Variants in DNAJC1 observed in about 807,000 individuals in gnomAD.
DNAJC1 encodes DnaJ heat shock protein family (Hsp40) member C1.
In DNAJC1, 58 loss-of-function variants were observed where a neutral mutation model predicts 76.6. That is an observed-to-expected ratio of 0.76 (90% CI 0.61 to 0.94). The LOEUF (loss-of-function observed/expected upper bound fraction) is 0.94. DNAJC1 is among the 40% of genes least tolerant of loss of function. The pLI is 0.00. For missense variants in DNAJC1, 689 were observed against 677.3 expected, an observed-to-expected ratio of 1.02 and a Z score of -0.19; for synonymous variants, 258 against 267.9, an observed-to-expected ratio of 0.96 and a Z score of 0.36.
At chr10:21,965,228 ACT>A (rs373805750) in intron 1 of DNAJC1, among the ~76,000 whole-genome samples, 52 of 152,108 alleles carry the variant, frequency 3.4e-4, no homozygotes, top group African/African-American at 1.2e-3. Flanking sequence ...CAGTTCACTA[ACT>A]CTCTTTTCAG....
intron 6 of DNAJC1, among the ~76,000 whole-genome samples, chr10:21,910,999 GAGAA>G (rs1381855384): frequency 2.7e-5 from 4 of 149,138 alleles, no homozygotes; most frequent in Admixed American, 2.0e-4. Context: ...GGGAGAGAGG[GAGAA>G]AGAAAGAGAA....
At chr10:21,790,175 A>C (rs1158349856) in intron 9 of DNAJC1, among the ~76,000 whole-genome samples, 1 of 151,704 alleles carries the variant, frequency 6.6e-6, no homozygotes, top group East Asian at 1.9e-4. Context: ...AAAAAAGCTT[A>C]CAAGACTTAT....
intron 9 of DNAJC1, among the ~76,000 whole-genome samples, chr10:21,775,869 G>T (rs1400284498): frequency 6.6e-6 from 1 of 152,058 alleles, no homozygotes; most frequent in Non-Finnish European, 1.5e-5. Flanking sequence ...GTGGGCTACT[G>T]GCTTGGGTGG....
intron 8 of DNAJC1, among the ~76,000 whole-genome samples, chr10:21,813,208 CTCTCTCTCTCTCTATATATATA>C (rs1835010199): frequency 1.5e-5 from 1 of 68,696 alleles, no homozygotes; most frequent in East Asian, 3.5e-4. Context: ...CTCTCTCTCT[CTCTCTCTCTCTCTATATATATA>C]TATATATATA....
chr10:21,800,161 C>A (rs1834797986), intron 9 of DNAJC1, among the ~76,000 whole-genome samples: 1 of 152,146 alleles, frequency 6.6e-6, no homozygotes, highest in Admixed American at 6.6e-5. Context: ...CACACTAGAA[C>A]CCCTCATCAG....
At chr10:21,796,663 CTTA>C (rs1353953526) in intron 9 of DNAJC1, among the ~76,000 whole-genome samples, 1 of 152,034 alleles carries the variant, frequency 6.6e-6, no homozygotes, top group Non-Finnish European at 1.5e-5. Flanking sequence ...TGTGAAGTAT[CTTA>C]TTGTCATTTT....
intron 1 of DNAJC1, among the ~76,000 whole-genome samples, chr10:21,962,458 GCTTTT>G (rs1223418639): frequency 1.5e-5 from 1 of 68,698 alleles, no homozygotes; most frequent in African/African-American, 6.2e-5. Context: ...CTATTTTATT[GCTTTT>G]TTTTTTTTTT....
intron 8 of DNAJC1, among the ~76,000 whole-genome samples, chr10:21,862,336 T>C (rs540357881): frequency 6.3e-4 from 96 of 152,176 alleles, no homozygotes; most frequent in African/African-American, 2.3e-3. Flanking sequence ...TTTCCTGTGA[T>C]AGTAACACCT....
chr10:21,793,023 A>G (rs1249860440), intron 9 of DNAJC1, among the ~76,000 whole-genome samples: 3 of 152,000 alleles, frequency 2.0e-5, no homozygotes, highest in Admixed American at 6.5e-5. Context: ...AGCTTCTATG[A>G]GCCTGGGCAC....
At chr10:21,883,533 T>A (rs914204413) in intron 7 of DNAJC1, among the ~76,000 whole-genome samples, 1 of 152,202 alleles carries the variant, frequency 6.6e-6, no homozygotes, top group African/African-American at 2.4e-5. Flanking sequence ...TGGGATTACA[T>A]CCTGATAAAC....
chr10:21,849,738 G>A (rs566657635), intron 8 of DNAJC1, among the ~76,000 whole-genome samples: 18 of 151,990 alleles, frequency 1.2e-4, no homozygotes, highest in Non-Finnish European at 1.6e-4. Flanking sequence ...AACCCAAATC[G>A]AAAAGTGTAT....
At chr10:21,888,127 T>C (rs933030408) in intron 7 of DNAJC1, among the ~76,000 whole-genome samples, 2 of 151,884 alleles carry the variant, frequency 1.3e-5, no homozygotes, top group Non-Finnish European at 2.9e-5. Context: ...AATAAGCACA[T>C]GAAAAAAAGC....
At chr10:21,995,476 T>C (rs1263779285) in intron 1 of DNAJC1, among the ~76,000 whole-genome samples, 1 of 152,226 alleles carries the variant, frequency 6.6e-6, no homozygotes, top group African/African-American at 2.4e-5. Flanking sequence ...ATTCTAGTAT[T>C]TGCTCTTAGT....
At chr10:21,874,952 C>T (rs1836160596) in intron 8 of DNAJC1, among the ~76,000 whole-genome samples, 1 of 152,106 alleles carries the variant, frequency 6.6e-6, no homozygotes. Flanking sequence ...GTGATCTTGG[C>T]TCACTACAAC....
chr10:21,937,263 T>G (rs1317150118), intron 1 of DNAJC1, among the ~76,000 whole-genome samples: 5 of 151,978 alleles, frequency 3.3e-5, no homozygotes, highest in Admixed American at 3.3e-4. Flanking sequence ...AGATCAAAAG[T>G]GAATGGATGA....
At chr10:21,864,569 C>T (rs1295218188) in intron 8 of DNAJC1, among the ~76,000 whole-genome samples, 1 of 151,488 alleles carries the variant, frequency 6.6e-6, no homozygotes, top group African/African-American at 2.4e-5. Flanking sequence ...TTGCAGTGAA[C>T]CGATATCACG....
At chr10:21,850,563 A>G (rs1266938459) in intron 8 of DNAJC1, among the ~76,000 whole-genome samples, 1 of 149,824 alleles carries the variant, frequency 6.7e-6, no homozygotes, top group Non-Finnish European at 1.5e-5. Flanking sequence ...AGTGCTTCCT[A>G]GCACAAGGGA....
Position 21,919,928 on chromosome 10 carries a change from T to A in DNAJC1, c.539A>T (p.Asp180Val), listed in dbSNP as rs1564827436. 6.3e-7 allele frequency: 1 copy of A among 1,581,992 alleles called. No individual in the cohort carries two copies. The highest frequency in any genetic ancestry group is 8.6e-7 in the Non-Finnish European group (1 of 1,160,900). ...VWSIYLEKQL[D>V]ELLSRKKREK... ...TCTCTTTTTTCTACTTAGTAGTTCA[T>A]CCTTAATGTGGAAAGAATTATGGTT... is the stretch of plus-strand genomic sequence containing the variant. Residue 180 changes from aspartate (D) to valine (V), a missense_variant and splice_region_variant, in exon 5 of 12, where the codon GAT becomes GTT. Coordinates refer to ENST00000376980, the MANE Select transcript of DNAJC1 (RefSeq NM_022365.4).
chr10:21,769,513 A>G (rs1364844654), intron 9 of DNAJC1, among the ~76,000 whole-genome samples: 8 of 152,210 alleles, frequency 5.3e-5, no homozygotes, highest in Admixed American at 3.3e-4. Flanking sequence ...CTCTATCACT[A>G]TAACATAACC....
Sources: gnomAD v4.1 joint callset for allele counts (sites outside exome capture counted in the v4.1 genomes callset) on GRCh38, gnomAD v4.1.1 for gene constraint, MANE v1.5 for transcripts, NCBI Gene and HGNC (gene_info 2026-07-23, HGNC 2026-07-21) for gene names.